The following AAMP variants were observed in gnomAD, a reference collection of about 807,000 sequenced individuals.
AAMP encodes the protein angio-associated migratory cell protein.
In AAMP, 12 loss-of-function variants were observed where a neutral mutation model predicts 51.1. The observed-to-expected ratio is 0.23, with a 90% CI of 0.15 to 0.38. AAMP has a LOEUF of 0.38. AAMP is among the 10% of genes least tolerant of loss of function. The probability of loss-of-function intolerance (pLI) is 1.00; values close to 1 mark genes in which losing one functional copy is unlikely to be tolerated. For missense variants in AAMP, 418 were observed against 557.2 expected, an observed-to-expected ratio of 0.75 and a Z score of 2.52; for synonymous variants, 210 against 218.7, an observed-to-expected ratio of 0.96 and a Z score of 0.35.
At chr2:218,269,857 T>C in intron 1 of AAMP, 109 bp downstream of exon 1, 1 of 1,502,550 alleles carries the variant, frequency 6.7e-7, no homozygotes, top group Non-Finnish European at 9.1e-7. Context: ...GGAAGAGGGA[T>C]ATCGGTAGGA....
At position 218,266,806 on chromosome 2, in the gene AAMP, C is replaced by A; in HGVS notation, c.534+41G>T. The A allele has an allele frequency of 1.9e-6, 3 of 1,611,446 alleles. No homozygotes were observed. Among genetic ancestry groups the A allele is most frequent in the Non-Finnish European group, 2.5e-6 (3 of 1,178,772 alleles). ...CTCCCAAGCTTGCACCCCCAACAAC[C>A]CAAGGCCCCACAGAGCTGACTCCCG... is the stretch of plus-strand genomic sequence containing the variant. On this transcript the variant is annotated intron_variant, in intron 4 of 10. Coordinates refer to ENST00000248450, the MANE Select transcript of AAMP (RefSeq NM_001087.5). The surrounding 1 kb of genome is among the most constrained non-coding windows in gnomAD (Gnocchi z 4.7).
At chr2:218,269,678 C>A (rs1186330345) in intron 1 of AAMP, 144 bp from the exon 2 acceptor site, 6 of 1,405,330 alleles carry the variant, frequency 4.3e-6, no homozygotes, top group Non-Finnish European at 5.9e-6. Flanking sequence ...CGGGGGCGCG[C>A]GGGACACAGG....
intron 1 of AAMP, 181 bp from the exon 2 acceptor site, chr2:218,269,715 C>CGTGCGGTAAGGGAGGG: frequency 8.7e-7 from 1 of 1,153,148 alleles, no homozygotes; most frequent in Non-Finnish European, 1.2e-6. Flanking sequence ...GGCCAGAGAC[C>CGTGCGGTAAGGGAGGG]GTGCGGTAAG....
Position 218,266,309 on chromosome 2 carries a change from C to G in AAMP, c.679+134G>C. ...GAAGGAGGCGCTGTGAACTTTGGGG[C>G]CCAGGAGGTCAGCACTGCAAACAGC... On this transcript the variant is annotated intron_variant, in intron 5 of 10. Coordinates refer to ENST00000248450, the MANE Select transcript of AAMP (RefSeq NM_001087.5). This position sits in a 1 kb window ranked among gnomAD's most constrained non-coding sequence, Gnocchi z 4.7. 1 of 1,390,066 alleles carries G rather than the reference C, an allele frequency of 7.2e-7. No homozygotes were observed. Among genetic ancestry groups the G allele is most frequent in the Middle Eastern group, 2.0e-4 (1 of 4,894 alleles). The allele number at this position is 1,390,066 out of a possible 1,614,324, so 86.1% of individuals were successfully genotyped here. A position where few individuals can be genotyped will look rare whatever the true frequency, so the allele number is the denominator to read the frequency against.
Position 218,267,622 on chromosome 2 carries a change from A to G in AAMP, c.275-9T>C. On this transcript the variant is annotated splice_polypyrimidine_tract_variant and intron_variant, in intron 2 of 10. Transcript: ENST00000248450. This position sits in a 1 kb window ranked among gnomAD's most constrained non-coding sequence, Gnocchi z 4.6. Reference sequence around the variant, plus strand: ...CACACAAAACACAGATGCTGTCCCAAGAGATATTCCATGGGTAAGGGGACA... The same window carrying G: ...CACACAAAACACAGATGCTGTCCCAGGAGATATTCCATGGGTAAGGGGACA... 6.2e-7 allele frequency: 1 copy of G among 1,614,026 alleles called. No individual in the cohort carries two copies. Among genetic ancestry groups the G allele is most frequent in the Non-Finnish European group, 8.5e-7 (1 of 1,179,950 alleles).
In AAMP at chr2:218,266,882, C is replaced by G. The variant is rs780548717; in HGVS notation, c.499G>C (p.Glu167Gln). Reference sequence around the variant, plus strand: ...CCCGCTTCAAAGGACCAGACCTCCTCCTTAGTGTCCACCTGCCACACTTTC... The same window carrying G: ...CCCGCTTCAAAGGACCAGACCTCCTGCTTAGTGTCCACCTGCCACACTTTC... ...LLKVWQVDTKEEVWSFEAGDL... is the reference protein window; with the variant it reads ...LLKVWQVDTKQEVWSFEAGDL... Residue 167 changes from glutamate (E) to glutamine (Q), a missense_variant, in exon 4 of 11, where the codon GAG becomes CAG. Physicochemically the swap from Glu to Gln is conservative, Grantham distance 29. Coordinates refer to ENST00000248450, the MANE Select transcript of AAMP (RefSeq NM_001087.5). The surrounding 1 kb of genome is among the most constrained non-coding windows in gnomAD (Gnocchi z 4.7). 80 of 1,614,112 alleles carry G rather than the reference C, an allele frequency of 5.0e-5. No individual in the cohort carries two copies. The highest frequency in any genetic ancestry group is 6.7e-5 in the Non-Finnish European group (79 of 1,180,052).
At position 218,265,884 on chromosome 2, in the gene AAMP, G is replaced by C. The variant is rs778339670; in HGVS notation, c.826C>G (p.Leu276Val). ...GCCTGGCAGTCCACAGAGCCAGTTA[G>C]GATCAAGCTGCCATCCTGGTTGGCA... ...VAANQDGSLI[L>V]TGSVDCQAKL... Residue 276 changes from leucine (L) to valine (V), a missense_variant, in exon 7 of 11, where the codon CTA becomes GTA. Physicochemically the swap from Leu to Val is conservative, Grantham distance 32 (BLOSUM62 1). Coordinates refer to ENST00000248450, the MANE Select transcript of AAMP (RefSeq NM_001087.5). This position sits in a 1 kb window ranked among gnomAD's most constrained non-coding sequence, Gnocchi z 6.6. 1.1e-5 allele frequency: 17 copies of C among 1,614,018 alleles called. No individual in the cohort carries two copies. The South Asian group carries it at 1.9e-4, about 18-fold the overall frequency.
Position 218,269,537 on chromosome 2 carries a change from G to A in AAMP, c.122-3C>T, listed in dbSNP as rs749440599. The stretch of plus-strand genomic sequence containing the variant: ...TTCCATCTCCTGGGCCAGGTCATCT[G>A]CTTTGGGGAGAGGGTTAGAAGATGG... On this transcript the variant is annotated splice_region_variant and splice_polypyrimidine_tract_variant and intron_variant, in intron 1 of 10. Coordinates refer to ENST00000248450, the MANE Select transcript of AAMP (RefSeq NM_001087.5). 1.9e-6 allele frequency: 3 copies of A among 1,614,184 alleles called. No individual in the cohort carries two copies. Among genetic ancestry groups the A allele is most frequent in the Admixed American group, 3.3e-5 (2 of 60,024 alleles).
rs201264395 is a variant in AAMP, at chr2:218,265,714, G to C, written c.880-32C>G. 8.7e-6 allele frequency: 14 copies of C among 1,601,062 alleles called. No homozygotes were observed. The highest frequency in any genetic ancestry group is 5.1e-6 in the Non-Finnish European group (6 of 1,170,828). On this transcript the variant is annotated intron_variant, in intron 7 of 10. Coordinates refer to ENST00000248450, the MANE Select transcript of AAMP (RefSeq NM_001087.5). This position sits in a 1 kb window ranked among gnomAD's most constrained non-coding sequence, Gnocchi z 6.6. ...GCCAGAGAGGATCAGAGGAGGACAC[G>C]GAATCCGGGTGCTTGATGGAGAGAA...
At chr2:218,269,173 G>A (rs907677677) in intron 2 of AAMP, among the ~76,000 whole-genome samples, 6 of 152,212 alleles carry the variant, frequency 3.9e-5, no homozygotes, top group African/African-American at 1.4e-4. Context: ...GTTAATCAAG[G>A]TTAACTGGCA....
intron 2 of AAMP, among the ~76,000 whole-genome samples, chr2:218,268,079 C>T (rs1341764175): frequency 6.6e-6 from 1 of 151,970 alleles, no homozygotes; most frequent in Non-Finnish European, 1.5e-5. Flanking sequence ...AGCAATTCTC[C>T]TGCCTCAGCC....
In AAMP at chr2:218,265,030, C is replaced by A. The variant is rs1361127258; in HGVS notation, c.1219G>T (p.Ala407Ser). The A allele has an allele frequency of 1.9e-6, 3 of 1,613,872 alleles. No individual in the cohort carries two copies. The highest frequency in any genetic ancestry group is 2.5e-6 in the Non-Finnish European group (3 of 1,180,036). The change falls in exon 10 of 11, where the codon GCC becomes TCC. Residue 407 changes from alanine (A) to serine (S), a missense_variant. Transcript: ENST00000248450. This position sits in a 1 kb window ranked among gnomAD's most constrained non-coding sequence, Gnocchi z 6.6. ...RGHTAEILDF[A>S]LSKDASLVVT... is the part of the protein sequence containing the mutation. Reference sequence around the variant, plus strand: ...GGCCAATTCACTTACTTGCTGAGGGCAAAGTCCAGGATCTCAGCCGTGTGG... The same window carrying A: ...GGCCAATTCACTTACTTGCTGAGGGAAAAGTCCAGGATCTCAGCCGTGTGG...
Position 218,269,420 on chromosome 2 carries a change from C to A in AAMP, c.236G>T (p.Gly79Val). Residue 79 changes from glycine (G) to valine (V), a missense_variant, in exon 2 of 11, where the codon GGC (glycine) becomes GTC (valine). Transcript: ENST00000248450. ...AAAGGTGACCTCGCTATCGTCGGGG[C>A]CCTCCATGCTGCCGACCACCCCTTC... ...PQEGVVGSME[G>V]PDDSEVTFAL... The A allele has an allele frequency of 6.2e-7, 1 of 1,614,192 alleles. No individual in the cohort carries two copies. The highest frequency in any genetic ancestry group is 8.5e-7 in the Non-Finnish European group (1 of 1,180,030).
rs759593268 is a variant in AAMP at position 218,267,086 on chromosome 2, G to GA, written c.395-101dup. ...CTGGCCCACTGAAAGGACCAGCTAG[G>GA]AAAAAAAGAGGGGCGGGACTGAGCA... On this transcript the variant is annotated intron_variant, in intron 3 of 10. Coordinates refer to ENST00000248450, the MANE Select transcript of AAMP (RefSeq NM_001087.5). The surrounding 1 kb of genome is among the most constrained non-coding windows in gnomAD (Gnocchi z 4.6). 10 of 1,411,122 alleles carry GA rather than the reference G, an allele frequency of 7.1e-6. No homozygotes were observed. Among genetic ancestry groups the GA allele is most frequent in the Non-Finnish European group, 9.8e-6 (10 of 1,024,592 alleles). 87.4% of individuals were successfully genotyped at this position (1,411,122 alleles called of 1,614,324 possible). A position where few individuals can be genotyped will look rare whatever the true frequency, so the allele number is the denominator to read the frequency against.
chr2:218,266,869 G>A lies in AAMP; in HGVS notation c.512C>T (p.Ser171Phe). 2 of 1,614,110 alleles carry A rather than the reference G, an allele frequency of 1.2e-6. No homozygotes were observed. The highest frequency in any genetic ancestry group is 1.7e-6 in the Non-Finnish European group (2 of 1,180,034). ...WQVDTKEEVW[S>F]FEAGDLEWME... Reference sequence around the variant, plus strand: ...TACCTCCAGGTCTCCCGCTTCAAAGGACCAGACCTCCTCCTTAGTGTCCAC... The same window carrying A: ...TACCTCCAGGTCTCCCGCTTCAAAGAACCAGACCTCCTCCTTAGTGTCCAC... The change falls in exon 4 of 11, where the codon TCC becomes TTC. Residue 171 changes from serine to phenylalanine, a missense_variant. Ser to Phe is a radical substitution (Grantham distance 155). Transcript: ENST00000248450. This position sits in a 1 kb window ranked among gnomAD's most constrained non-coding sequence, Gnocchi z 4.7.
At position 218,265,654 on chromosome 2, in the gene AAMP, A is replaced by G; in HGVS notation, c.908T>C (p.Val303Ala). ...TTCTCCCAGGCTGGGCTGGGAGGCC[A>G]CAGTCTCAGGTCTAAAAACACCCAC... is the stretch of plus-strand genomic sequence containing the variant. ...KVVGVFRPET[V>A]ASQPSLGEGE... Residue 303 changes from valine (V) to alanine (A), a missense_variant, in exon 8 of 11, where the codon GTG becomes GCG. By Grantham distance (64) the Val-to-Ala change is moderately conservative (BLOSUM62 0). Coordinates refer to ENST00000248450, the MANE Select transcript of AAMP (RefSeq NM_001087.5). The surrounding 1 kb of genome is among the most constrained non-coding windows in gnomAD (Gnocchi z 6.6). 2 of 1,613,490 alleles carry G rather than the reference A, an allele frequency of 1.2e-6. No individual in the cohort carries two copies. The highest frequency in any genetic ancestry group is 1.7e-6 in the Non-Finnish European group (2 of 1,179,972).
chr2:218,265,475 C>G lies in AAMP; in HGVS notation c.984-14G>C. On this transcript the variant is annotated splice_polypyrimidine_tract_variant and intron_variant, in intron 8 of 10. Coordinates refer to ENST00000248450, the MANE Select transcript of AAMP (RefSeq NM_001087.5). This position sits in a 1 kb window ranked among gnomAD's most constrained non-coding sequence, Gnocchi z 6.6. ...GCCAGGGGCATCCTGGCCAGAGGAG[C>G]GTACCATGAAGACTCATGAGGGCCT... 6.3e-7 allele frequency: 1 copy of G among 1,575,060 alleles called. No individual in the cohort carries two copies. Among genetic ancestry groups the G allele is most frequent in the East Asian group, 2.3e-5 (1 of 43,144 alleles).
Position 218,266,657 on chromosome 2 carries a change from T to A in AAMP, c.535-70A>T. ...CCACCTAGAAGCCTGCCCCATGAGC[T>A]CCACCCAAGGTTTCCTGCCTCTGGG... On this transcript the variant is annotated intron_variant, in intron 4 of 10. Transcript: ENST00000248450. The surrounding 1 kb of genome is among the most constrained non-coding windows in gnomAD (Gnocchi z 4.7). 1 of 1,570,260 alleles carries A rather than the reference T, an allele frequency of 6.4e-7. No individual in the cohort carries two copies.
rs1274219683 is a variant in AAMP at position 218,265,215 on chromosome 2, G to C, written c.1075-41C>G. On this transcript the variant is annotated intron_variant, in intron 9 of 10. Transcript: ENST00000248450. This position sits in a 1 kb window ranked among gnomAD's most constrained non-coding sequence, Gnocchi z 6.6. ...ACAGAGGCAGGGCGGAGGTTGGCAGGAGAGCTGAGAGCCATCTGCTCCCAA... is the reference window on the plus strand; with the variant it reads ...ACAGAGGCAGGGCGGAGGTTGGCAGCAGAGCTGAGAGCCATCTGCTCCCAA... The C allele has an allele frequency of 1.3e-6, 2 of 1,565,644 alleles. No individual in the cohort carries two copies. Among genetic ancestry groups the C allele is most frequent in the Non-Finnish European group, 1.7e-6 (2 of 1,155,954 alleles).
Sources: allele counts gnomAD v4.1 joint callset (sites outside exome capture counted in the v4.1 genomes callset), GRCh38; gene constraint gnomAD v4.1.1; non-coding constraint Gnocchi (gnomAD v3.1); transcripts MANE v1.5; gene names NCBI Gene and HGNC (gene_info 2026-07-23, HGNC 2026-07-21).